PCDH15: variants seen among roughly 807,000 people sequenced by gnomAD.
PCDH15 encodes protocadherin related 15.
PCDH15 carries 129 observed loss-of-function variants against 178.5 expected under a neutral mutation model. The observed-to-expected ratio is 0.72, with a 90% confidence interval of 0.63 to 0.84. The LOEUF (loss-of-function observed/expected upper bound fraction) is 0.84. Ranked by LOEUF, PCDH15 falls within the 40% of genes least tolerant of loss-of-function variation. The probability of loss-of-function intolerance (pLI) is 0.00; values close to 1 mark genes in which losing one functional copy is unlikely to be tolerated. For synonymous variants in PCDH15, 800 were observed against 732.0 expected (o/e 1.09, Z -1.50); for missense variants, 2,230 against 2,099.9 (o/e 1.06, Z -1.21).
intron 2 of PCDH15, among the ~76,000 whole-genome samples, chr10:55,466,447 A>G (rs1839832826): frequency 6.6e-6 from 1 of 152,200 alleles, no homozygotes; most frequent in Non-Finnish European, 1.5e-5. Flanking sequence ...TTAATCAATT[A>G]CTACATATTA....
chr10:54,215,760 G>C (rs972932926), intron 9 of PCDH15, among the ~76,000 whole-genome samples: 2 of 152,076 alleles, frequency 1.3e-5, no homozygotes, highest in Non-Finnish European at 2.9e-5. Context: ...ATGTCGAGAC[G>C]GCCGGGCGCG....
chr10:54,059,359 C>T (rs944618821), intron 18 of PCDH15, among the ~76,000 whole-genome samples: 4 of 152,112 alleles, frequency 2.6e-5, no homozygotes, highest in African/African-American at 9.7e-5. Flanking sequence ...AACAGTAATA[C>T]AATAATAATT....
Position 54,066,739 on chromosome 10 carries a change from T to C in PCDH15, c.2220+18A>G. On this transcript the variant is annotated intron_variant, in intron 18 of 37. Transcript: ENST00000644397. ...TTTGAAAAACTACATATAAGATCTA[T>C]ATAAATATTCCACTTACTTTTACTT... 1.2e-6 allele frequency: 2 copies of C among 1,610,476 alleles called. No homozygotes were observed. The highest frequency in any genetic ancestry group is 8.5e-7 in the Non-Finnish European group (1 of 1,177,196).
intron 2 of PCDH15, among the ~76,000 whole-genome samples, chr10:54,553,319 A>T (rs902841101): frequency 2.6e-5 from 4 of 152,114 alleles, no homozygotes; most frequent in Admixed American, 6.6e-5. Context: ...AAGCCTTGAG[A>T]GACTCTGCAA....
rs138485653 is a variant in PCDH15, at chr10:54,999,534, C to T, written c.-79-102034G>A. Among the ~76,000 whole-genome samples, 294 of 152,198 alleles carry T rather than the reference C, an allele frequency of 1.9e-3. 1 individual carries two copies. Among genetic ancestry groups the T allele is most frequent in the African/African-American group, 5.9e-3 (244 of 41,530 alleles). On this transcript the variant is annotated intron_variant, in intron 2 of 5. Coordinates refer to the PCDH15 transcript ENST00000458638. Reference sequence around the variant, plus strand: ...GGCCTTGTTCTTAAGATAATTATGACGGCTGCGATGGTGTGTGTGGAGTGG... The same window carrying T: ...GGCCTTGTTCTTAAGATAATTATGATGGCTGCGATGGTGTGTGTGGAGTGG...
At chr10:54,745,957 G>A (rs1412409696) in intron 1 of PCDH15, among the ~76,000 whole-genome samples, 1 of 152,102 alleles carries the variant, frequency 6.6e-6, no homozygotes, top group African/African-American at 2.4e-5. Flanking sequence ...AAACTTATTG[G>A]AATAGTAGTC....
chr10:55,238,241 C>T (rs998385103), intron 1 of PCDH15, among the ~76,000 whole-genome samples: 2 of 151,142 alleles, frequency 1.3e-5, no homozygotes, highest in African/African-American at 4.9e-5. Flanking sequence ...GCTCTGCCTC[C>T]CAGGTTCACG....
At chr10:54,719,622 C>G (rs1310038384) in intron 1 of PCDH15, among the ~76,000 whole-genome samples, 3 of 151,902 alleles carry the variant, frequency 2.0e-5, no homozygotes, top group African/African-American at 7.3e-5. Flanking sequence ...AACCTGTTAT[C>G]TAGGTTTTAA....
intron 2 of PCDH15, among the ~76,000 whole-genome samples, chr10:55,015,612 G>C (rs1018286985): frequency 6.6e-6 from 1 of 152,098 alleles, no homozygotes; most frequent in Admixed American, 6.6e-5. Flanking sequence ...GGTCCTGGCG[G>C]AAAACAGAAA....
At chr10:54,609,974 C>A (rs934905920) in intron 2 of PCDH15, among the ~76,000 whole-genome samples, 1 of 151,844 alleles carries the variant, frequency 6.6e-6, no homozygotes, top group Non-Finnish European at 1.5e-5. Flanking sequence ...ACATTAAATT[C>A]ATTTGTATTT....
intron 6 of PCDH15, 43 bp downstream of exon 6, chr10:54,346,322 A>T (rs1943278338): frequency 6.3e-7 from 1 of 1,582,520 alleles, no homozygotes; most frequent in African/African-American, 1.3e-5. Context: ...CATTAATTTT[A>T]TTCCTTTTAA....
chr10:55,283,956 A>G (rs2132260178), intron 1 of PCDH15, among the ~76,000 whole-genome samples: 1 of 152,276 alleles, frequency 6.6e-6, no homozygotes, highest in African/African-American at 2.4e-5. Flanking sequence ...GCAAATCAAA[A>G]TTAAGCTCTA....
chr10:55,321,326 T>C (rs1001835046), upstream of PCDH15, among the ~76,000 whole-genome samples: 2 of 151,962 alleles, frequency 1.3e-5, no homozygotes, highest in Non-Finnish European at 2.9e-5. Context: ...GAATAAAATG[T>C]CCAAGAAATA....
intron 18 of PCDH15, among the ~76,000 whole-genome samples, chr10:54,064,930 G>A (rs1427021401): frequency 6.6e-6 from 1 of 152,134 alleles, no homozygotes; most frequent in African/African-American, 2.4e-5. Flanking sequence ...AACTTGGAAG[G>A]GGGTTAGGTT....
intron 1 of PCDH15, among the ~76,000 whole-genome samples, chr10:54,784,215 A>G (rs978088611): frequency 6.6e-6 from 1 of 152,028 alleles, no homozygotes; most frequent in Non-Finnish European, 1.5e-5. Context: ...TTGAGGACAC[A>G]CGGCCTAACC....
At chr10:54,349,990 T>G (rs2134234982) in intron 5 of PCDH15, among the ~76,000 whole-genome samples, 1 of 152,262 alleles carries the variant, frequency 6.6e-6, no homozygotes, top group Admixed American at 6.5e-5. Context: ...ATAATAAATT[T>G]CATTAATTTA....
At chr10:54,678,810 T>C (rs1294033803) in intron 1 of PCDH15, among the ~76,000 whole-genome samples, 8 of 152,186 alleles carry the variant, frequency 5.3e-5, no homozygotes, top group South Asian at 4.1e-4. Flanking sequence ...ATAATAATGA[T>C]ACAACATTAA....
At chr10:55,501,054 G>A (rs1188056053) in intron 2 of PCDH15, among the ~76,000 whole-genome samples, 1 of 151,714 alleles carries the variant, frequency 6.6e-6, no homozygotes, top group Non-Finnish European at 1.5e-5. Context: ...ATGTGGTCAA[G>A]TTAAGATGAG....
intron 2 of PCDH15, among the ~76,000 whole-genome samples, chr10:55,562,873 A>C (rs1842228464): frequency 6.6e-6 from 1 of 152,052 alleles, no homozygotes; most frequent in Admixed American, 6.6e-5. Flanking sequence ...CTCTTTACAC[A>C]TAAGTAATAA....
Sources: allele counts gnomAD v4.1 joint callset (sites outside exome capture counted in the v4.1 genomes callset), GRCh38; gene constraint gnomAD v4.1.1; transcripts MANE v1.5; gene names NCBI Gene and HGNC (gene_info 2026-07-23, HGNC 2026-07-21).